SEMA3E: variants seen among roughly 807,000 people sequenced by gnomAD.
SEMA3E encodes the protein semaphorin 3E, also known as semaphorin-3E.
SEMA3E carries 49 observed loss-of-function variants against 93.6 expected under a neutral mutation model. The observed-to-expected ratio is 0.52, with a 90% confidence interval of 0.42 to 0.66. The LOEUF is 0.66. Ranked by LOEUF, SEMA3E falls within the 30% of genes least tolerant of loss-of-function variation. The pLI is 0.00. For missense variants in SEMA3E, 906 were observed against 964.8 expected (o/e 0.94, Z 0.81); for synonymous variants, 363 against 330.7 (o/e 1.10, Z -1.06).
chr7:83,523,059 T>A (rs1562818084), intron 1 of SEMA3E, among the ~76,000 whole-genome samples: 1 of 151,854 alleles, frequency 6.6e-6, no homozygotes, highest in Admixed American at 6.6e-5. Flanking sequence ...AAGAACGGGG[T>A]GAATCCGAGG....
intron 16 of SEMA3E, among the ~76,000 whole-genome samples, chr7:83,370,755 C>A (rs1794738981): frequency 6.6e-6 from 1 of 152,146 alleles, no homozygotes; most frequent in Non-Finnish European, 1.5e-5. Context: ...TGTTAACCTT[C>A]ATATACTTGA....
intron 1 of SEMA3E, among the ~76,000 whole-genome samples, chr7:83,591,529 T>A (rs1792756981): frequency 6.6e-6 from 1 of 151,886 alleles, no homozygotes; most frequent in Admixed American, 6.6e-5. Context: ...ATTCAAATGT[T>A]CTTTGAACAT....
intron 14 of SEMA3E, among the ~76,000 whole-genome samples, chr7:83,387,629 A>ATAG (rs1413258222): frequency 2.6e-5 from 4 of 151,714 alleles, no homozygotes; most frequent in African/African-American, 9.7e-5. Flanking sequence ...ATTCAATGTG[A>ATAG]TAGTGTGTTT....
At chr7:83,462,091 C>G (rs1789634323) in intron 4 of SEMA3E, 1 of 152,266 alleles carries the variant, frequency 6.6e-6, no homozygotes. Flanking sequence ...GCCCAAGGCT[C>G]TCTGACTCCT....
intron 3 of SEMA3E, among the ~76,000 whole-genome samples, chr7:83,468,986 G>T (rs1273667111): frequency 1.3e-5 from 2 of 152,040 alleles, no homozygotes; most frequent in African/African-American, 2.4e-5. Flanking sequence ...ATTAGTATAA[G>T]GAATGTATAA....
intron 1 of SEMA3E, among the ~76,000 whole-genome samples, chr7:83,541,122 T>C (rs865825359): frequency 6.6e-6 from 1 of 152,148 alleles, no homozygotes; most frequent in South Asian, 2.1e-4. Flanking sequence ...GGGAGGGAAG[T>C]TCTGGCCTGT....
At chr7:83,595,729 G>A (rs1792859721) in intron 1 of SEMA3E, among the ~76,000 whole-genome samples, 1 of 151,886 alleles carries the variant, frequency 6.6e-6, no homozygotes, top group Admixed American at 6.6e-5. Flanking sequence ...GATTGATGTA[G>A]TGCATTATTG....
intron 1 of SEMA3E, among the ~76,000 whole-genome samples, chr7:83,536,965 G>A (rs1791421194): frequency 6.6e-6 from 1 of 151,926 alleles, no homozygotes; most frequent in Non-Finnish European, 1.5e-5. Context: ...GGTCATTAAG[G>A]TGGGACTTTA....
intron 1 of SEMA3E, among the ~76,000 whole-genome samples, chr7:83,628,788 A>C (rs1793726826): frequency 6.6e-6 from 1 of 152,000 alleles, no homozygotes; most frequent in African/African-American, 2.4e-5. Context: ...ACTTCTGTCA[A>C]TTAATCAAAC....
chr7:83,566,694 C>T (rs215242), intron 1 of SEMA3E, among the ~76,000 whole-genome samples: 3,754 of 152,132 alleles, frequency 0.025, 150 homozygotes, highest in African/African-American at 0.086. Context: ...TTACTTTTCC[C>T]CTTAAGAACA....
intron 1 of SEMA3E, among the ~76,000 whole-genome samples, chr7:83,542,972 G>A (rs376891326): frequency 6.7e-6 from 1 of 149,486 alleles, no homozygotes; most frequent in East Asian, 2.0e-4. Flanking sequence ...CCACAAAAGT[G>A]TGATGCTTTA....
At chr7:83,451,710 A>G (rs1429397896) in intron 4 of SEMA3E, among the ~76,000 whole-genome samples, 5 of 152,252 alleles carry the variant, frequency 3.3e-5, no homozygotes, top group African/African-American at 1.2e-4. Flanking sequence ...CCAACTACTT[A>G]GCACCAACTG....
At chr7:83,521,256 A>G (rs1791042538) in intron 1 of SEMA3E, among the ~76,000 whole-genome samples, 1 of 152,070 alleles carries the variant, frequency 6.6e-6, no homozygotes, top group South Asian at 2.1e-4. Context: ...CATGGAAAGA[A>G]CACTTTTACC....
chr7:83,452,147 G>C (rs200810543), intron 4 of SEMA3E, among the ~76,000 whole-genome samples: 22 of 143,776 alleles, frequency 1.5e-4, no homozygotes, highest in Non-Finnish European at 2.2e-4. Context: ...GTGTGTGTGT[G>C]TCTGTGTGTG....
chr7:83,513,576 A>G lies in SEMA3E; in HGVS notation c.116-23302T>C, dbSNP rs75891418. Among the ~76,000 whole-genome samples the G allele has an allele frequency of 4.3e-3, 661 of 152,300 alleles. 8 individuals are homozygous for G. Among genetic ancestry groups the G allele is most frequent in the African/African-American group, 0.015 (639 of 41,584 alleles). The stretch of plus-strand genomic sequence containing the variant: ...CACAAAATTAAAAGTCTGGGAGACT[A>G]TATTTAGGTTATCTTTTAGCTTTAA... On this transcript the variant is annotated intron_variant, in intron 1 of 16. Transcript: ENST00000643230.
chr7:83,447,099 A>G (rs1018295954), intron 4 of SEMA3E, among the ~76,000 whole-genome samples: 1 of 152,222 alleles, frequency 6.6e-6, no homozygotes, highest in Admixed American at 6.5e-5. Context: ...TTGGACTAGG[A>G]TGAGAGAACA....
intron 1 of SEMA3E, among the ~76,000 whole-genome samples, chr7:83,590,288 G>T (rs1180678056): frequency 2.0e-5 from 3 of 152,088 alleles, no homozygotes; most frequent in African/African-American, 7.2e-5. Context: ...ATTTAGAAAA[G>T]GGTATTAAAA....
chr7:83,635,801 C>G (rs1274828896), intron 1 of SEMA3E, among the ~76,000 whole-genome samples: 1 of 149,862 alleles, frequency 6.7e-6, no homozygotes, highest in Non-Finnish European at 1.5e-5. Flanking sequence ...ATGTTACTAC[C>G]AATAGCTGTG....
chr7:83,517,710 G>A (rs1790960167), intron 1 of SEMA3E, among the ~76,000 whole-genome samples: 1 of 152,086 alleles, frequency 6.6e-6, no homozygotes. Context: ...TAGGGAATGA[G>A]GAAAAGACAA....
Sources: gnomAD v4.1 joint callset for allele counts (sites outside exome capture counted in the v4.1 genomes callset) on GRCh38, gnomAD v4.1.1 for gene constraint, MANE v1.5 for transcripts, NCBI Gene and HGNC (gene_info 2026-07-23, HGNC 2026-07-21) for gene names.